The following STAC variants were observed in gnomAD, a reference collection of about 807,000 sequenced individuals.
The protein encoded by STAC is SH3 and cysteine-rich domain-containing protein.
In STAC, 43 loss-of-function variants were observed where a neutral mutation model predicts 48.8. That is an observed-to-expected ratio of 0.88 (90% CI 0.69 to 1.14). STAC has a LOEUF of 1.14. Among genes scored for constraint, STAC ranks in the 50% most tolerant of loss-of-function variants. The pLI, the probability that STAC is intolerant of heterozygous loss-of-function variation, is 0.00. For missense variants in STAC, 497 were observed against 504.0 expected (o/e 0.99, Z 0.13); for synonymous variants, 193 against 179.5 (o/e 1.07, Z -0.60).
intron 10 of STAC, among the ~76,000 whole-genome samples, chr3:36,545,573 A>G (rs1357834634): frequency 1.3e-5 from 2 of 152,164 alleles, no homozygotes; most frequent in Non-Finnish European, 2.9e-5. Context: ...GCCCACATCC[A>G]CCCTTCTATG....
intron 2 of STAC, among the ~76,000 whole-genome samples, chr3:36,466,373 G>GTCTA (rs1164030845): frequency 1.3e-5 from 2 of 152,058 alleles, no homozygotes; most frequent in Non-Finnish European, 2.9e-5. Flanking sequence ...GTCTTGCTTT[G>GTCTA]TCTATGTGGG....
At chr3:36,473,269 C>T (rs1480545250) in intron 2 of STAC, among the ~76,000 whole-genome samples, 1 of 152,228 alleles carries the variant, frequency 6.6e-6, no homozygotes, top group East Asian at 1.9e-4. Flanking sequence ...CTGGGAGATA[C>T]AATTCAAGTT....
chr3:36,486,173 G>A lies in STAC; in HGVS notation c.611G>A (p.Arg204His), dbSNP rs754667535. 63 of 1,613,796 alleles carry A rather than the reference G, an allele frequency of 3.9e-5. No homozygotes were observed. The highest frequency in any genetic ancestry group is 1.1e-4 in the South Asian group (10 of 91,036). Residue 204 changes from arginine (R) to histidine (H), a missense_variant, in exon 5 of 11, where the codon CGC becomes CAC. By Grantham distance (29) the Arg-to-His change is conservative (BLOSUM62 0). Transcript: ENST00000273183. ...GTGGACCCTGTCTACGAGACCCTCC[G>A]CTTCGGCACCTCCCTGGCCCAGAGG... is the stretch of plus-strand genomic sequence containing the variant. ...NKVDPVYETL[R>H]FGTSLAQRTK...
intron 8 of STAC, among the ~76,000 whole-genome samples, chr3:36,512,651 A>G (rs1056262815): frequency 2.0e-5 from 3 of 152,236 alleles, no homozygotes; most frequent in African/African-American, 7.2e-5. Flanking sequence ...GTTGCAGGCC[A>G]TTAGAAGTCA....
intron 1 of STAC, among the ~76,000 whole-genome samples, chr3:36,416,102 G>A (rs1700313726): frequency 1.3e-5 from 2 of 152,184 alleles, no homozygotes; most frequent in South Asian, 4.2e-4. Flanking sequence ...TTTTATTGCA[G>A]ATGTTAATTT....
At chr3:36,462,035 T>TCAGACAAGAGAAAGAAA (rs1697033893) in intron 2 of STAC, among the ~76,000 whole-genome samples, 8 of 152,104 alleles carry the variant, frequency 5.3e-5, no homozygotes, top group Admixed American at 4.6e-4. Context: ...TAGGAGGCTA[T>TCAGACAAGAGAAAGAAA]TACAGTAATT....
chr3:36,439,001 T>G (rs1274300530), intron 1 of STAC, among the ~76,000 whole-genome samples: 1 of 152,202 alleles, frequency 6.6e-6, no homozygotes, highest in Non-Finnish European at 1.5e-5. Flanking sequence ...TTTGCTTTCC[T>G]GCTCCACATC....
intron 8 of STAC, among the ~76,000 whole-genome samples, chr3:36,507,001 C>A (rs941341375): frequency 6.6e-6 from 1 of 152,124 alleles, no homozygotes; most frequent in Non-Finnish European, 1.5e-5. Flanking sequence ...TTGTCTTGTG[C>A]TGGTTTTGAA....
chr3:36,533,663 C>G (rs1370232175), intron 10 of STAC, among the ~76,000 whole-genome samples: 1 of 151,920 alleles, frequency 6.6e-6, no homozygotes, highest in African/African-American at 2.4e-5. Context: ...TTGGCATATT[C>G]CCCACAATTT....
Position 36,443,577 on chromosome 3 carries a change from G to A in STAC, c.325G>A (p.Ala109Thr). The change falls in exon 2 of 11, where the codon GCC becomes ACC. Residue 109 changes from alanine (A) to threonine (T), a missense_variant. Physicochemically the swap from Ala to Thr is moderately conservative, Grantham distance 58. Transcript: ENST00000273183. The surrounding 1 kb of genome is among the most constrained non-coding windows in gnomAD (Gnocchi z 4.2). ...AGLHPGGKAH[A>T]FQEYIFKKPT... ...TCTGCATCCAGGTGGCAAGGCTCAT[G>A]CCTTTCAGGAATACATCTTCAAGAA... is the stretch of plus-strand genomic sequence containing the variant. The A allele has an allele frequency of 6.2e-7, 1 of 1,614,142 alleles. No homozygotes were observed. The highest frequency in any genetic ancestry group is 8.5e-7 in the Non-Finnish European group (1 of 1,180,038).
chr3:36,478,703 G>T (rs933662840), intron 2 of STAC, among the ~76,000 whole-genome samples: 1 of 152,074 alleles, frequency 6.6e-6, no homozygotes, highest in Non-Finnish European at 1.5e-5. Context: ...GGCCAGGCTG[G>T]TTTCAAACTC....
At chr3:36,510,584 A>G (rs2125716837) in intron 8 of STAC, among the ~76,000 whole-genome samples, 1 of 152,336 alleles carries the variant, frequency 6.6e-6, no homozygotes, top group Non-Finnish European at 1.5e-5. Flanking sequence ...TAGATTGGAT[A>G]AAGAAAATGT....
At position 36,435,049 on chromosome 3, in the gene STAC, T is replaced by C. The variant is rs78498313; in HGVS notation, c.112-8315T>C. ...TGTATGCAGATCTTCATTCTGTAAC[T>C]TGCTAGCCATTTAACTTTGGGCAAG... On this transcript the variant is annotated intron_variant, in intron 1 of 10. Coordinates refer to ENST00000273183, the MANE Select transcript of STAC (RefSeq NM_003149.3). 4.0e-3 allele frequency among the ~76,000 whole-genome samples: 615 copies of C among 152,334 alleles called. 6 individuals carry two copies. The highest frequency in any genetic ancestry group is 0.014 in the African/African-American group (568 of 41,584).
intron 1 of STAC, among the ~76,000 whole-genome samples, chr3:36,433,181 A>G (rs1251884668): frequency 6.6e-6 from 1 of 152,174 alleles, no homozygotes; most frequent in Admixed American, 6.5e-5. Context: ...TGAACCAGGC[A>G]TGTTCCAGAT....
intron 1 of STAC, among the ~76,000 whole-genome samples, chr3:36,410,788 T>G (rs1016969118): frequency 6.6e-6 from 1 of 152,238 alleles, no homozygotes; most frequent in African/African-American, 2.4e-5. Flanking sequence ...AATTCCTGAT[T>G]GATCTTTGTC....
At chr3:36,436,480 G>C (rs533615268) in intron 1 of STAC, among the ~76,000 whole-genome samples, 1 of 152,070 alleles carries the variant, frequency 6.6e-6, no homozygotes, top group Non-Finnish European at 1.5e-5. Flanking sequence ...CTCCCCCATC[G>C]TTCTTAACCA....
chr3:36,490,910 T>C (rs902527683), intron 5 of STAC, among the ~76,000 whole-genome samples: 3 of 152,220 alleles, frequency 2.0e-5, no homozygotes, highest in Admixed American at 6.5e-5. Context: ...TTTATCACCG[T>C]CCACTTATAC....
At chr3:36,430,495 CTT>C (rs1700674393) in intron 1 of STAC, among the ~76,000 whole-genome samples, 1 of 152,200 alleles carries the variant, frequency 6.6e-6, no homozygotes, top group Admixed American at 6.5e-5. Context: ...AGGTTTCCAT[CTT>C]TATTAACCAG....
intron 1 of STAC, among the ~76,000 whole-genome samples, chr3:36,427,817 A>G (rs1051351991): frequency 6.6e-6 from 1 of 152,178 alleles, no homozygotes; most frequent in African/African-American, 2.4e-5. Context: ...AAGAAATCAT[A>G]TACCTCCTAA....
Sources: allele counts gnomAD v4.1 joint callset (sites outside exome capture counted in the v4.1 genomes callset), GRCh38; gene constraint gnomAD v4.1.1; non-coding constraint Gnocchi (gnomAD v3.1); transcripts MANE v1.5; gene names NCBI Gene and HGNC (gene_info 2026-07-23, HGNC 2026-07-21).